GPHN: variants seen among roughly 807,000 people sequenced by gnomAD.
The protein encoded by GPHN is gephyrin.
GPHN carries 17 observed loss-of-function variants against 95.5 expected under a neutral mutation model. The ratio of observed to expected loss-of-function variants is 0.18; its 90% CI spans 0.12 to 0.27. GPHN has a LOEUF of 0.27. Among genes scored for constraint, GPHN ranks in the 10% least tolerant of loss-of-function variants. The pLI is 1.00. For synonymous variants in GPHN, 320 were observed against 322.5 expected (o/e 0.99, Z 0.08); for missense variants, 660 against 978.1 (o/e 0.67, Z 4.34).
the GPHN span, chr14:67,323,855 A>G: frequency 7.2e-5 from 72 of 1,003,812 alleles, no homozygotes; most frequent in Non-Finnish European, 9.8e-5. Flanking sequence ...GAAGGTAAAC[A>G]TGAAACAGTC....
At chr14:66,512,916 A>G (rs973183453) in intron 1 of GPHN, among the ~76,000 whole-genome samples, 3 of 151,766 alleles carry the variant, frequency 2.0e-5, no homozygotes, top group African/African-American at 7.2e-5. Flanking sequence ...TTGAGAATAG[A>G]TGTCATTAAG....
intron 2 of GPHN, among the ~76,000 whole-genome samples, chr14:66,765,226 A>T (rs2058918744): frequency 6.6e-6 from 1 of 152,230 alleles, no homozygotes; most frequent in Non-Finnish European, 1.5e-5. Flanking sequence ...TGGGAGTGTA[A>T]ATTAATTTGC....
chr14:67,482,402 C>A, the GPHN span, among the ~76,000 whole-genome samples: 1 of 152,242 alleles, frequency 6.6e-6, no homozygotes, highest in Non-Finnish European at 1.5e-5. Context: ...AACACAGTGA[C>A]TCTGGGAATT....
At chr14:67,660,676 C>A in the GPHN span, among the ~76,000 whole-genome samples, 1 of 152,194 alleles carries the variant, frequency 6.6e-6, no homozygotes, top group African/African-American at 2.4e-5. Flanking sequence ...GGGAATCAGA[C>A]TTCCATTTTT....
intron 2 of GPHN, among the ~76,000 whole-genome samples, chr14:66,687,774 C>T (rs1240430468): frequency 1.3e-5 from 2 of 152,186 alleles, no homozygotes; most frequent in African/African-American, 2.4e-5. Context: ...CAGGCATGAG[C>T]CACTGTGCCT....
chr14:67,661,896 C>G, the GPHN span, among the ~76,000 whole-genome samples: 1 of 151,972 alleles, frequency 6.6e-6, no homozygotes, highest in African/African-American at 2.4e-5. Flanking sequence ...TGGCTCATGC[C>G]TTGTAATCCC....
At chr14:67,656,647 C>A in the GPHN span, 1 of 1,525,040 alleles carries the variant, frequency 6.6e-7, no homozygotes, top group South Asian at 1.3e-5. Flanking sequence ...TCATTGCCAG[C>A]ATATTCCTCA....
At chr14:67,583,701 G>A in the GPHN span, 2 of 1,564,704 alleles carry the variant, frequency 1.3e-6, no homozygotes, top group Non-Finnish European at 1.7e-6. Flanking sequence ...CCCATCCACT[G>A]TCAGATTTTG....
the GPHN span, among the ~76,000 whole-genome samples, chr14:67,519,405 G>A: frequency 1.6e-4 from 24 of 152,288 alleles, no homozygotes; most frequent in Middle Eastern, 0.017. Context: ...GGGTCTCCTC[G>A]GGGCTGTCCT....
chr14:67,382,486 A>G, the GPHN span: 1 of 1,613,688 alleles, frequency 6.2e-7, no homozygotes, highest in African/African-American at 1.3e-5. Flanking sequence ...AATGACTACG[A>G]CAACCCTGGA....
the GPHN span, among the ~76,000 whole-genome samples, chr14:67,426,849 A>G: frequency 2.0e-5 from 3 of 152,216 alleles, no homozygotes; most frequent in Admixed American, 6.5e-5. Flanking sequence ...TGCTGGGATT[A>G]CAGGCGTGAG....
chr14:66,715,334 C>G (rs2070071691), intron 2 of GPHN, among the ~76,000 whole-genome samples: 1 of 152,060 alleles, frequency 6.6e-6, no homozygotes, highest in Non-Finnish European at 1.5e-5. Context: ...TCTCCCGTTT[C>G]ATTTCTTATT....
chr14:67,277,004 T>C, the GPHN span, among the ~76,000 whole-genome samples: 1 of 152,176 alleles, frequency 6.6e-6, no homozygotes, highest in Non-Finnish European at 1.5e-5. Context: ...TAGAGAGGGT[T>C]AAGAGTTTTA....
chr14:67,359,553 G>A, the GPHN span: 2 of 1,314,318 alleles, frequency 1.5e-6, no homozygotes, highest in East Asian at 2.4e-5. Context: ...AAAAGCTCAG[G>A]ATCCTCCCAG....
chr14:67,563,223 G>A, the GPHN span, among the ~76,000 whole-genome samples: 1 of 152,206 alleles, frequency 6.6e-6, no homozygotes, highest in African/African-American at 2.4e-5. Flanking sequence ...ATAGGCCCCA[G>A]AAGCAAACCA....
At chr14:66,668,830 G>T (rs950599805) in intron 1 of GPHN, among the ~76,000 whole-genome samples, 1 of 150,852 alleles carries the variant, frequency 6.6e-6, no homozygotes, top group Non-Finnish European at 1.5e-5. Context: ...CTGGTTTCTG[G>T]TAAGAAATTG....
the GPHN span, among the ~76,000 whole-genome samples, chr14:67,329,427 G>T: frequency 1.3e-5 from 2 of 152,080 alleles, no homozygotes; most frequent in Admixed American, 6.6e-5. Flanking sequence ...CTGCAAACAG[G>T]GATAATTCGA....
At chr14:66,976,862 A>T (rs1242866536) in intron 9 of GPHN, among the ~76,000 whole-genome samples, 1 of 146,888 alleles carries the variant, frequency 6.8e-6, no homozygotes, top group Non-Finnish European at 1.5e-5. Context: ...AAGGATGAGT[A>T]AAAGGTAAGC....
chr14:66,800,544 A>G (rs1595942220), intron 3 of GPHN, among the ~76,000 whole-genome samples: 3 of 152,236 alleles, frequency 2.0e-5, no homozygotes, highest in East Asian at 3.9e-4. Context: ...ATCTGCTGCC[A>G]AAAGTATTGG....
Sources: gnomAD v4.1 joint callset for allele counts (sites outside exome capture counted in the v4.1 genomes callset) on GRCh38, gnomAD v4.1.1 for gene constraint, MANE v1.5 for transcripts, NCBI Gene and HGNC (gene_info 2026-07-23, HGNC 2026-07-21) for gene names.